TSG101: variants seen among roughly 807,000 people sequenced by gnomAD.
TSG101 encodes the protein tumor susceptibility gene 101 protein.
In TSG101, 19 loss-of-function variants were observed where a neutral mutation model predicts 48.5. The observed-to-expected ratio is 0.39, with a 90% CI of 0.27 to 0.58. The LOEUF is 0.58. Among genes scored for constraint, TSG101 ranks in the 20% least tolerant of loss-of-function variants. The pLI is 0.55. For synonymous variants in TSG101, 174 were observed against 169.4 expected (o/e 1.03, Z -0.21); for missense variants, 365 against 484.4 (o/e 0.75, Z 2.31).
At chr11:18,497,125 C>A (rs1346938376) in intron 7 of TSG101, among the ~76,000 whole-genome samples, 3 of 151,952 alleles carry the variant, frequency 2.0e-5, no homozygotes, top group Non-Finnish European at 4.4e-5. Context: ...GGATAAATAA[C>A]CAAATTCATT....
intron 7 of TSG101, among the ~76,000 whole-genome samples, chr11:18,496,733 T>C (rs1439280947): frequency 6.6e-6 from 1 of 151,376 alleles, no homozygotes; most frequent in Non-Finnish European, 1.5e-5. Flanking sequence ...GAGATGGAGG[T>C]TGCAGTGGGC....
At chr11:18,523,503 A>G (rs1850314576) in intron 1 of TSG101, among the ~76,000 whole-genome samples, 1 of 151,812 alleles carries the variant, frequency 6.6e-6, no homozygotes, top group South Asian at 2.1e-4. Context: ...TATTATTTTT[A>G]TTTATTTATT....
At chr11:18,483,319 A>C (rs1276925683) in intron 8 of TSG101, among the ~76,000 whole-genome samples, 1 of 151,956 alleles carries the variant, frequency 6.6e-6, no homozygotes, top group Non-Finnish European at 1.5e-5. Context: ...ACATGGTGAT[A>C]CCCCGTCTCT....
intron 7 of TSG101, among the ~76,000 whole-genome samples, chr11:18,484,934 CCTT>C (rs1849597053): frequency 1.3e-5 from 1 of 74,616 alleles, no homozygotes; most frequent in South Asian, 4.9e-4. Flanking sequence ...TTAATTGCCG[CCTT>C]TTTTTTTTTT....
At chr11:18,515,463 C>CTAAATATTTAGCAT (rs1464787809) in intron 3 of TSG101, among the ~76,000 whole-genome samples, 1 of 152,174 alleles carries the variant, frequency 6.6e-6, no homozygotes, top group Non-Finnish European at 1.5e-5. Flanking sequence ...TGCTTCCTCA[C>CTAAATATTTAGCAT]CACTAAATAT....
chr11:18,523,979 CAG>C (rs1187990768), intron 1 of TSG101, among the ~76,000 whole-genome samples: 1 of 152,108 alleles, frequency 6.6e-6, no homozygotes, highest in Non-Finnish European at 1.5e-5. Context: ...TCTGTAGAGA[CAG>C]AGTCTAGCTA....
At position 18,481,666 on chromosome 11, in the gene TSG101, C is replaced by T. The variant is rs1849543198; in HGVS notation, c.1047G>A (p.Leu349=). The T allele has an allele frequency of 6.2e-7, 1 of 1,614,036 alleles. No individual in the cohort carries two copies. Among genetic ancestry groups the T allele is most frequent in the Non-Finnish European group, 8.5e-7 (1 of 1,180,014 alleles). The change falls in exon 9 of 10, where the codon TTG becomes TTA. Residue 349 remains leucine, a synonymous_variant. Coordinates refer to ENST00000251968, the MANE Select transcript of TSG101 (RefSeq NM_006292.4). ...CATCCAGGTCTATCACGCCCCTTCT[C>T]AAGGCTTCTCCCAAGTAAAAGATAG... ...EDTIFYLGEA[L]RRGVIDLDVF... is the part of the protein sequence containing the mutation.
intron 9 of TSG101, among the ~76,000 whole-genome samples, chr11:18,480,882 C>T (rs1226584337): frequency 6.6e-6 from 1 of 152,130 alleles, no homozygotes; most frequent in Non-Finnish European, 1.5e-5. Context: ...CTAAGCCATG[C>T]CACTCAAGCA....
At chr11:18,496,564 G>A (rs1849787060) in intron 7 of TSG101, among the ~76,000 whole-genome samples, 1 of 152,090 alleles carries the variant, frequency 6.6e-6, no homozygotes, top group African/African-American at 2.4e-5. Flanking sequence ...CTAGTGCAGT[G>A]ACTCACATCT....
At chr11:18,517,771 G>A (rs943322665) in intron 2 of TSG101, among the ~76,000 whole-genome samples, 1 of 152,136 alleles carries the variant, frequency 6.6e-6, no homozygotes, top group African/African-American at 2.4e-5. Context: ...GCCAAATAAT[G>A]CATTTCTCAG....
At chr11:18,510,546 T>G (rs1182276821) in intron 4 of TSG101, among the ~76,000 whole-genome samples, 1 of 151,676 alleles carries the variant, frequency 6.6e-6, no homozygotes, top group East Asian at 2.0e-4. Context: ...TATTTTTTCA[T>G]AAGTTACTAA....
intron 9 of TSG101, chr11:18,481,417 C>T: frequency 7.4e-7 from 1 of 1,342,884 alleles, no homozygotes; most frequent in Non-Finnish European, 9.5e-7. Context: ...AGAACTGCAG[C>T]CACCAGCCCA....
intron 7 of TSG101, among the ~76,000 whole-genome samples, chr11:18,495,642 G>A (rs1314837049): frequency 6.8e-6 from 1 of 147,342 alleles, no homozygotes; most frequent in Non-Finnish European, 1.5e-5. Context: ...TTTGTGTTAA[G>A]TTTCAATGCA....
intron 9 of TSG101, chr11:18,481,214 T>C (rs563758187): frequency 8.5e-5 from 76 of 894,500 alleles, no homozygotes; most frequent in Non-Finnish European, 1.0e-4. Flanking sequence ...GGCAGCCTGA[T>C]ACTTTGATGT....
At chr11:18,516,211 C>A in intron 2 of TSG101, 47 bp from the exon 3 acceptor site, 1 of 1,527,206 alleles carries the variant, frequency 6.5e-7, no homozygotes, top group Non-Finnish European at 9.1e-7. Flanking sequence ...TTTTAAGATA[C>A]TCCCATAAGT....
chr11:18,506,638 C>T (rs1025145440), intron 6 of TSG101, among the ~76,000 whole-genome samples: 10 of 151,682 alleles, frequency 6.6e-5, no homozygotes, highest in Middle Eastern at 6.8e-3. Context: ...TGCAGTGAGC[C>T]GAGATTGCGC....
chr11:18,512,719 A>G (rs1405139748), intron 4 of TSG101, among the ~76,000 whole-genome samples: 1 of 130,030 alleles, frequency 7.7e-6, no homozygotes, highest in East Asian at 2.7e-4. Flanking sequence ...TGAAGGACAG[A>G]CAGATTTTTT....
At chr11:18,495,724 C>T (rs1005057218) in intron 7 of TSG101, among the ~76,000 whole-genome samples, 2 of 150,432 alleles carry the variant, frequency 1.3e-5, no homozygotes, top group African/African-American at 2.4e-5. Context: ...TCACCGACTA[C>T]CACCTCCTCA....
Position 18,526,878 on chromosome 11 carries a change from A to T in TSG101, c.-62T>A. On this transcript the variant is annotated 5_prime_UTR_variant, in exon 1 of 10. Transcript: ENST00000251968. ...GGGTCAGCCGCTGCTGGGCTGCCCC[A>T]GACCGTCCCACACAATCGCACACCC... 1.3e-6 allele frequency: 2 copies of T among 1,558,512 alleles called. No homozygotes were observed. The highest frequency in any genetic ancestry group is 1.7e-6 in the Non-Finnish European group (2 of 1,155,056).
Sources: gnomAD v4.1 joint callset for allele counts (sites outside exome capture counted in the v4.1 genomes callset) on GRCh38, gnomAD v4.1.1 for gene constraint, MANE v1.5 for transcripts, NCBI Gene and HGNC (gene_info 2026-07-23, HGNC 2026-07-21) for gene names.